URB2: variants seen among roughly 807,000 people sequenced by gnomAD.
The protein encoded by URB2 is unhealthy ribosome biogenesis protein 2 homolog.
URB2 carries 86 observed loss-of-function variants against 120.9 expected under a neutral mutation model. The observed-to-expected ratio is 0.71, with a 90% CI of 0.60 to 0.85. The LOEUF (loss-of-function observed/expected upper bound fraction) is 0.85. Ranked by LOEUF, URB2 falls within the 40% of genes least tolerant of loss-of-function variation. URB2 has a pLI of 0.00. For missense variants in URB2, 1,765 were observed against 1,836.5 expected, an observed-to-expected ratio of 0.96 and a Z score of 0.71; for synonymous variants, 755 against 758.4, an observed-to-expected ratio of 1.00 and a Z score of 0.07.
Position 229,635,974 on chromosome 1 carries a change from G to A in URB2, c.1361G>A (p.Arg454His), listed in dbSNP as rs781217311. 4.6e-5 allele frequency: 74 copies of A among 1,614,038 alleles called. No individual in the cohort carries two copies. Among genetic ancestry groups the A allele is most frequent in the South Asian group, 2.0e-4 (18 of 91,088 alleles). ...RTKKAQEALI[R>H]TVFQTYAKLR... ...AAAAAAGCCCAGGAGGCGCTTATTC[G>A]TACTGTCTTCCAGACTTATGCCAAA... The change falls in exon 4 of 10, where the codon CGT (arginine) becomes CAT (histidine). Residue 454 changes from arginine to histidine, a missense_variant. By Grantham distance (29) the Arg-to-His change is conservative. Transcript: ENST00000258243.
chr1:229,635,381 G>A lies in URB2; in HGVS notation c.768G>A (p.Glu256=). The stretch of plus-strand genomic sequence containing the variant: ...CTGAGCTACTGTCATCCTACAAGGA[G>A]GGGCTCTTGGACCAGCAGCAAGGGG... The part of the protein sequence containing the change: ...FQPELLSSYK[E]GLLDQQQGDV... The change falls in exon 4 of 10, where the codon GAG becomes GAA. Residue 256 remains glutamate (E), a synonymous_variant. Transcript: ENST00000258243. 6.2e-7 allele frequency: 1 copy of A among 1,614,134 alleles called. No homozygotes were observed. The highest frequency in any genetic ancestry group is 8.5e-7 in the Non-Finnish European group (1 of 1,180,008).
In URB2 at chr1:229,647,656, C is replaced by T. The variant is rs1236667990; in HGVS notation, c.4053C>T (p.Leu1351=). Residue 1351 remains leucine (L), a synonymous_variant, in exon 7 of 10, where the codon CTC becomes CTT. Coordinates refer to ENST00000258243, the MANE Select transcript of URB2 (RefSeq NM_014777.4). ...HHVSLAFSIL[L]TVPLDHLKPL... is the part of the protein sequence containing the mutation. ...TCAGCCTGGCCTTCAGCATCCTTCT[C>T]ACTGTCCCTTTGGACCATCTGAAGC... 1 of 1,614,198 alleles carries T rather than the reference C, an allele frequency of 6.2e-7. No homozygotes were observed. Among genetic ancestry groups the T allele is most frequent in the Non-Finnish European group, 8.5e-7 (1 of 1,180,040 alleles).
At position 229,637,970 on chromosome 1, in the gene URB2, C is replaced by T. The variant is rs762858896; in HGVS notation, c.3357C>T (p.Ser1119=). The T allele has an allele frequency of 2.0e-5, 32 of 1,613,424 alleles. No individual in the cohort carries two copies. Among genetic ancestry groups the T allele is most frequent in the African/African-American group, 2.7e-5 (2 of 74,948 alleles). The change falls in exon 4 of 10, where the codon TCC becomes TCT. Residue 1119 remains serine (S), a synonymous_variant. Coordinates refer to ENST00000258243, the MANE Select transcript of URB2 (RefSeq NM_014777.4). Reference sequence around the variant, plus strand: ...GCCTTCCCTCGGTCCTCATCTCATCCGTCAGCACGCTCTTGGAAGCCGACC... The same window carrying T: ...GCCTTCCCTCGGTCCTCATCTCATCTGTCAGCACGCTCTTGGAAGCCGACC... ...GWRLPSVLIS[S]VSTLLEADLG...
At chr1:229,642,257 T>C (rs1178029092) in intron 4 of URB2, among the ~76,000 whole-genome samples, 1 of 152,140 alleles carries the variant, frequency 6.6e-6, no homozygotes, top group Non-Finnish European at 1.5e-5. Flanking sequence ...TGGGAGCCTT[T>C]CATGTGAGGG....
chr1:229,658,030 A>G (rs1366613369), intron 9 of URB2, among the ~76,000 whole-genome samples: 3 of 152,160 alleles, frequency 2.0e-5, no homozygotes, highest in African/African-American at 7.2e-5. Context: ...CTTAAAAGTA[A>G]TGGCAAAATA....
chr1:229,639,651 C>T (rs1665953870), intron 4 of URB2, among the ~76,000 whole-genome samples: 1 of 152,158 alleles, frequency 6.6e-6, no homozygotes, highest in East Asian at 1.9e-4. Flanking sequence ...ACTTAATTTC[C>T]AAAGAGCCTC....
chr1:229,636,295 C>T lies in URB2; in HGVS notation c.1682C>T (p.Pro561Leu). 1.2e-6 allele frequency: 2 copies of T among 1,614,250 alleles called. No individual in the cohort carries two copies. The highest frequency in any genetic ancestry group is 1.1e-5 in the South Asian group (1 of 91,092). ...FNMRSLDSST[P>L]LPIVRRTQCM... is the part of the protein sequence containing the mutation. ...ATGAGGAGCCTGGACAGCAGCACGC[C>T]TCTGCCCATTGTCAGACGGACACAG... Residue 561 changes from proline (P) to leucine (L), a missense_variant, in exon 4 of 10, where the codon CCT becomes CTT. By Grantham distance (98) the Pro-to-Leu change is moderately conservative. Coordinates refer to ENST00000258243, the MANE Select transcript of URB2 (RefSeq NM_014777.4).
chr1:229,633,399 G>C (rs937547589), intron 3 of URB2, among the ~76,000 whole-genome samples: 81 of 152,164 alleles, frequency 5.3e-4, no homozygotes, highest in Non-Finnish European at 1.5e-4. Flanking sequence ...TTTTATGTAT[G>C]CTTCATAATT....
rs1280424036 is a variant in URB2, at chr1:229,659,216, A to G, written c.4494A>G (p.Arg1498=). The G allele has an allele frequency of 6.2e-6, 10 of 1,613,990 alleles. No homozygotes were observed. The highest frequency in any genetic ancestry group is 7.6e-6 in the Non-Finnish European group (9 of 1,180,036). ...GGGCCTCGCTGCAGCCGGGAATGAG[A>G]GACATCTTTAAGGAGCTCTATAATG... The part of the protein sequence containing the change: ...FLRASLQPGM[R]DIFKELYNDY... The change falls in exon 10 of 10, where the codon AGA becomes AGG. Residue 1498 remains arginine, a synonymous_variant. Transcript: ENST00000258243.
intron 3 of URB2, 94 bp downstream of exon 3, chr1:229,632,539 T>C: frequency 1.8e-6 from 2 of 1,123,724 alleles, no homozygotes; most frequent in African/African-American, 1.6e-5. Flanking sequence ...TGTATGAAGA[T>C]ATAGGAAATA....
At chr1:229,627,532 A>G (rs1039975517) in intron 1 of URB2, 89 bp from the exon 2 acceptor site, 4 of 1,226,638 alleles carry the variant, frequency 3.3e-6, no homozygotes, top group Non-Finnish European at 4.4e-6. Flanking sequence ...GGTAAACAAG[A>G]TACAGTACTG....
chr1:229,632,541 T>C (rs922459725), intron 3 of URB2, 96 bp downstream of exon 3: 41 of 1,092,314 alleles, frequency 3.8e-5, no homozygotes, highest in Non-Finnish European at 4.7e-5. Flanking sequence ...TATGAAGATA[T>C]AGGAAATACT....
chr1:229,649,361 T>C (rs1377868207), intron 7 of URB2, among the ~76,000 whole-genome samples: 1 of 152,204 alleles, frequency 6.6e-6, no homozygotes, highest in Non-Finnish European at 1.5e-5. Context: ...ATGTTAGATT[T>C]GTATGTAACT....
intron 9 of URB2, 56 bp downstream of exon 9, chr1:229,654,444 G>A (rs1666359411): frequency 6.2e-7 from 1 of 1,604,860 alleles, no homozygotes; most frequent in African/African-American, 1.3e-5. Flanking sequence ...CCTTAAGCAG[G>A]GTTTCTCAAC....
chr1:229,654,809 G>A (rs946339315), intron 9 of URB2, among the ~76,000 whole-genome samples: 2 of 152,182 alleles, frequency 1.3e-5, no homozygotes, highest in Admixed American at 6.5e-5. Context: ...CAGGGTTATT[G>A]TAAGGACCAA....
chr1:229,636,063 G>T lies in URB2; in HGVS notation c.1450G>T (p.Ala484Ser). ...LGVICRPAAE[A>S]LRQPVLASGP... is the part of the protein sequence containing the mutation. The stretch of plus-strand genomic sequence containing the variant: ...GGTGATCTGTCGTCCAGCTGCTGAG[G>T]CACTGAGGCAGCCTGTGCTGGCCTC... Residue 484 changes from alanine (A) to serine (S), a missense_variant, in exon 4 of 10, where the codon GCA (alanine) becomes TCA (serine). By Grantham distance (99) the Ala-to-Ser change is moderately conservative. Transcript: ENST00000258243. 6.2e-7 allele frequency: 1 copy of T among 1,614,198 alleles called. No homozygotes were observed. Among genetic ancestry groups the T allele is most frequent in the Non-Finnish European group, 8.5e-7 (1 of 1,180,030 alleles).
intron 2 of URB2, among the ~76,000 whole-genome samples, chr1:229,632,022 G>A (rs1212232105): frequency 6.6e-6 from 1 of 152,152 alleles, no homozygotes. Context: ...AGTTTCACCT[G>A]AAACTTTTAA....
chr1:229,630,751 G>T (rs552316238), intron 2 of URB2, among the ~76,000 whole-genome samples: 1 of 152,080 alleles, frequency 6.6e-6, no homozygotes, highest in African/African-American at 2.4e-5. Flanking sequence ...ACTTTGGGAG[G>T]CCAACGCAGG....
chr1:229,657,391 C>T (rs1445766759), intron 9 of URB2, among the ~76,000 whole-genome samples: 1 of 152,180 alleles, frequency 6.6e-6, no homozygotes, highest in Non-Finnish European at 1.5e-5. Context: ...GTAAGTAGTT[C>T]AGAGCATGGG....
Sources: allele counts gnomAD v4.1 joint callset (sites outside exome capture counted in the v4.1 genomes callset), GRCh38; gene constraint gnomAD v4.1.1; transcripts MANE v1.5; gene names NCBI Gene and HGNC (gene_info 2026-07-23, HGNC 2026-07-21).